NBEAL1: variants seen among roughly 807,000 people sequenced by gnomAD.
NBEAL1 encodes neurobeachin like 1, also known as neurobeachin-like protein 1.
In NBEAL1, 273 loss-of-function variants were observed where a neutral mutation model predicts 351.3. The observed-to-expected ratio is 0.78, with a 90% CI of 0.70 to 0.86. NBEAL1 has a LOEUF of 0.86. Among genes scored for constraint, NBEAL1 ranks in the 40% least tolerant of loss-of-function variants. The pLI is 0.00. For missense variants in NBEAL1, 2,961 were observed against 3,201.3 expected, an observed-to-expected ratio of 0.92 and a Z score of 1.81; for synonymous variants, 1,050 against 1,086.4, an observed-to-expected ratio of 0.97 and a Z score of 0.66.
At chr2:203,075,327 T>C (rs1017659997) in intron 7 of NBEAL1, among the ~76,000 whole-genome samples, 2 of 152,232 alleles carry the variant, frequency 1.3e-5, no homozygotes, top group Non-Finnish European at 1.5e-5. Context: ...ATTATATTTC[T>C]TGCCTACTTT....
intron 39 of NBEAL1, among the ~76,000 whole-genome samples, chr2:203,171,627 T>A (rs2064321023): frequency 6.6e-6 from 1 of 150,394 alleles, no homozygotes; most frequent in South Asian, 2.1e-4. Flanking sequence ...ATAAATAAAA[T>A]AAAAATTTTA....
intron 44 of NBEAL1, among the ~76,000 whole-genome samples, chr2:203,185,152 A>G (rs542658011): frequency 1.2e-4 from 18 of 152,212 alleles, no homozygotes; most frequent in African/African-American, 4.1e-4. Context: ...TTCTTGGTGT[A>G]TGGTTGTGGT....
intron 3 of NBEAL1, among the ~76,000 whole-genome samples, chr2:203,049,012 A>T (rs962791264): frequency 1.4e-5 from 2 of 145,146 alleles, no homozygotes; most frequent in African/African-American, 5.1e-5. Flanking sequence ...CAGTTGACAA[A>T]TTTTTTTTTT....
chr2:203,083,645 A>G (rs2061911204), intron 9 of NBEAL1, 120 bp downstream of exon 9: 3 of 751,378 alleles, frequency 4.0e-6, no homozygotes, highest in Non-Finnish European at 6.2e-6. Context: ...CAGATATCAT[A>G]TGACTGCTTA....
At chr2:203,099,792 A>G in intron 12 of NBEAL1, 80 bp downstream of exon 12, 1 of 917,642 alleles carries the variant, frequency 1.1e-6, no homozygotes. Context: ...GGTTTGTTAT[A>G]TAGGTAAATT....
chr2:203,161,190 G>C (rs1021692376), intron 36 of NBEAL1, among the ~76,000 whole-genome samples: 17 of 151,890 alleles, frequency 1.1e-4, no homozygotes, highest in Non-Finnish European at 4.4e-5. Context: ...AGCCGGGTGT[G>C]GTGGCAGGTG....
intron 2 of NBEAL1, among the ~76,000 whole-genome samples, chr2:203,028,044 T>C (rs145538381): frequency 0.093 from 14,129 of 152,098 alleles, 770 homozygotes; most frequent in Non-Finnish European, 0.12. Context: ...CCACCACGCC[T>C]AGCTAATTTT....
In NBEAL1 at chr2:203,201,558, A is replaced by G; in HGVS notation, c.7254A>G (p.Ile2418Met). Reference sequence around the variant, plus strand: ...GTGTTTACAGAACTCAGCGCAGTATAAATGGTTCTTTTGCTCCCGGGCTAG... The same window carrying G: ...GTGTTTACAGAACTCAGCGCAGTATGAATGGTTCTTTTGCTCCCGGGCTAG... ...TVTNPKTQRSINGSFAPGLEI... is the reference protein window; with the variant it reads ...TVTNPKTQRSMNGSFAPGLEI... The change falls in exon 50 of 56, where the codon ATA becomes ATG. Residue 2418 changes from isoleucine to methionine, a missense_variant. Transcript: ENST00000683969. 1 of 1,594,490 alleles carries G rather than the reference A, an allele frequency of 6.3e-7. No individual in the cohort carries two copies. The highest frequency in any genetic ancestry group is 1.3e-5 in the African/African-American group (1 of 74,554).
In NBEAL1 at chr2:203,067,245, G is replaced by A. The variant is rs547944228; in HGVS notation, c.516-1148G>A. Among the ~76,000 whole-genome samples the A allele has an allele frequency of 4.6e-5, 7 of 152,348 alleles. No homozygotes were observed. The East Asian group carries it at 1.3e-3, about 29-fold the overall frequency. ...CTTTGATAATGGTCTTAATTAAATA[G>A]GAAGATCTATTAATGTTCTAACATG... On this transcript the variant is annotated intron_variant, in intron 6 of 55. Coordinates refer to ENST00000683969, the MANE Select transcript of NBEAL1 (RefSeq NM_001378026.1).
Position 203,152,760 on chromosome 2 carries a change from G to A in NBEAL1, c.5587+1171G>A, listed in dbSNP as rs552724211. On this transcript the variant is annotated intron_variant, in intron 35 of 55. Transcript: ENST00000683969. ...TTGTTTATCAAGAATCACTGGGCCC[G>A]GCACAGTGGCTCATGCCTGTAATCC... is the stretch of plus-strand genomic sequence containing the variant. Among the ~76,000 whole-genome samples, 8 of 152,170 alleles carry A rather than the reference G, an allele frequency of 5.3e-5. No individual in the cohort carries two copies. The South Asian group carries it at 1.0e-3, about 20-fold the overall frequency.
intron 55 of NBEAL1, chr2:203,213,874 C>T (rs77810475): frequency 2.8e-6 from 2 of 708,910 alleles, no homozygotes; most frequent in African/African-American, 3.9e-5. Context: ...ATCTACCACT[C>T]TATAGGAATA....
chr2:203,039,327 C>T (rs1471223016), intron 2 of NBEAL1, among the ~76,000 whole-genome samples: 7 of 60,822 alleles, frequency 1.2e-4, no homozygotes, highest in Admixed American at 6.9e-4. Flanking sequence ...CCTCCCCTCC[C>T]CCTCCCCCTC....
In NBEAL1 at chr2:203,112,002, G is replaced by T; in HGVS notation, c.2106G>T (p.Met702Ile). ...SLWHNITVVHMPGKRPFGQSF... is the reference protein window; with the variant it reads ...SLWHNITVVHIPGKRPFGQSF... ...AGCACAACATAACTGTTGTCCACAT[G>T]CCTGGAAAAAGGCCTTTTGGTCAGA... The change falls in exon 16 of 56, where the codon ATG becomes ATT. Residue 702 changes from methionine to isoleucine, a missense_variant. Physicochemically the swap from Met to Ile is conservative, Grantham distance 10. Coordinates refer to ENST00000683969, the MANE Select transcript of NBEAL1 (RefSeq NM_001378026.1). 6.4e-7 allele frequency: 1 copy of T among 1,551,418 alleles called. No homozygotes were observed. Among genetic ancestry groups the T allele is most frequent in the Non-Finnish European group, 8.7e-7 (1 of 1,146,970 alleles).
At position 203,224,534 on chromosome 2, in the gene NBEAL1, T is replaced by C. The variant is rs568935605; in HGVS notation, c.*7180T>C. ...TGGGACTCCAATAGCATTTCAGTGT[T>C]ATAGAGAGTGACAGTGACTTGAATG... On this transcript the variant is annotated 3_prime_UTR_variant, in exon 56 of 56. Coordinates refer to ENST00000683969, the MANE Select transcript of NBEAL1 (RefSeq NM_001378026.1). Among the ~76,000 whole-genome samples the C allele has an allele frequency of 2.6e-5, 4 of 152,268 alleles. No individual in the cohort carries two copies.
chr2:203,143,722 A>G (rs1165460347), intron 31 of NBEAL1, among the ~76,000 whole-genome samples: 8 of 152,130 alleles, frequency 5.3e-5, no homozygotes, highest in African/African-American at 2.4e-5. Flanking sequence ...TTGTGTTTCT[A>G]TATATCTTGA....
rs1253610578 is a variant in NBEAL1, at chr2:203,204,246, A to T, written c.7506+1465A>T. Among the ~76,000 whole-genome samples the T allele has an allele frequency of 1.1e-4, 16 of 147,990 alleles. No homozygotes were observed. The South Asian group carries it at 3.2e-3, about 30-fold the overall frequency. On this transcript the variant is annotated intron_variant, in intron 51 of 55. Coordinates refer to ENST00000683969, the MANE Select transcript of NBEAL1 (RefSeq NM_001378026.1). ...CCGGCCCCATACCCTCTTTTTTTTA[A>T]AAAAAAAAAACAACTCCATTTTAGT...
At chr2:203,125,251 A>G (rs2062912567) in intron 19 of NBEAL1, 101 bp from the exon 20 acceptor site, 1 of 884,214 alleles carries the variant, frequency 1.1e-6, no homozygotes, top group African/African-American at 1.8e-5. Context: ...TACATTGCTC[A>G]AAGGTTTATC....
chr2:203,058,024 A>G (rs982188123), intron 6 of NBEAL1, among the ~76,000 whole-genome samples: 1 of 151,638 alleles, frequency 6.6e-6, no homozygotes, highest in South Asian at 2.1e-4. Flanking sequence ...TTATATTTTT[A>G]GTAGAGACGG....
intron 55 of NBEAL1, among the ~76,000 whole-genome samples, chr2:203,215,711 C>A (rs1303083619): frequency 6.6e-6 from 1 of 150,538 alleles, no homozygotes; most frequent in Non-Finnish European, 1.5e-5. Flanking sequence ...AGAAAAGTGA[C>A]CATTAAAAAA....
Sources: gnomAD v4.1 joint callset for allele counts (sites outside exome capture counted in the v4.1 genomes callset) on GRCh38, gnomAD v4.1.1 for gene constraint, MANE v1.5 for transcripts, NCBI Gene and HGNC (gene_info 2026-07-23, HGNC 2026-07-21) for gene names.